The following COL25A1 variants were observed in gnomAD, a reference collection of about 807,000 sequenced individuals.
COL25A1 encodes the protein collagen alpha-1(XXV) chain.
In COL25A1, 103 loss-of-function variants were observed where a neutral mutation model predicts 128.4. The ratio of observed to expected loss-of-function variants is 0.80; its 90% CI spans 0.68 to 0.94. The LOEUF (loss-of-function observed/expected upper bound fraction) is 0.94. Among genes scored for constraint, COL25A1 ranks in the 40% least tolerant of loss-of-function variants. COL25A1 has a pLI of 0.00. For missense variants in COL25A1, 745 were observed against 840.0 expected, an observed-to-expected ratio of 0.89 and a Z score of 1.40; for synonymous variants, 279 against 277.2, an observed-to-expected ratio of 1.01 and a Z score of -0.06.
At chr4:108,995,475 G>A (rs1472295238) in intron 6 of COL25A1, among the ~76,000 whole-genome samples, 1 of 152,210 alleles carries the variant, frequency 6.6e-6, no homozygotes, top group Non-Finnish European at 1.5e-5. Flanking sequence ...TATGTGAAAA[G>A]ACCAAATATG....
intron 3 of COL25A1, among the ~76,000 whole-genome samples, chr4:109,110,308 A>C (rs1056380265): frequency 6.6e-6 from 1 of 152,076 alleles, no homozygotes; most frequent in African/African-American, 2.4e-5. Context: ...TATTCTCTGG[A>C]GTGCTTACGT....
intron 3 of COL25A1, among the ~76,000 whole-genome samples, chr4:109,119,184 C>A (rs2126050764): frequency 6.6e-6 from 1 of 151,916 alleles, no homozygotes; most frequent in Admixed American, 6.6e-5. Context: ...TAGACCTTAC[C>A]AAAATTTGTG....
chr4:109,200,160 A>T (rs150604579), intron 3 of COL25A1, among the ~76,000 whole-genome samples: 92 of 152,300 alleles, frequency 6.0e-4, no homozygotes, highest in African/African-American at 2.0e-3. Flanking sequence ...TTCACTTTCC[A>T]TCTTCCATCG....
chr4:109,141,805 A>G (rs1163011176), intron 3 of COL25A1, among the ~76,000 whole-genome samples: 1 of 152,012 alleles, frequency 6.6e-6, no homozygotes, highest in Admixed American at 6.6e-5. Context: ...TATTGTTTCT[A>G]TTTGATTCTT....
chr4:108,885,272 G>A (rs936057180), intron 18 of COL25A1, among the ~76,000 whole-genome samples: 1 of 152,122 alleles, frequency 6.6e-6, no homozygotes, highest in Non-Finnish European at 1.5e-5. Context: ...TTCATCTTTA[G>A]TAATATTACT....
chr4:108,863,524 A>C, intron 20 of COL25A1, 137 bp from the exon 21 acceptor site: 1 of 615,782 alleles, frequency 1.6e-6, no homozygotes, highest in Non-Finnish European at 2.7e-6. Context: ...CACTTTATTA[A>C]TCTCTTAACA....
At chr4:109,038,358 G>C (rs1759550954) in intron 5 of COL25A1, among the ~76,000 whole-genome samples, 1 of 152,148 alleles carries the variant, frequency 6.6e-6, no homozygotes, top group Non-Finnish European at 1.5e-5. Flanking sequence ...ATTTAACATA[G>C]AAATCTTGCC....
chr4:108,959,175 T>C (rs1231337114), intron 8 of COL25A1, among the ~76,000 whole-genome samples: 1 of 152,088 alleles, frequency 6.6e-6, no homozygotes. Context: ...CCAAAATGCA[T>C]GTCCTACCTA....
intron 3 of COL25A1, among the ~76,000 whole-genome samples, chr4:109,248,372 GA>G (rs1780421528): frequency 6.6e-6 from 1 of 152,018 alleles, no homozygotes; most frequent in Non-Finnish European, 1.5e-5. Flanking sequence ...CTTGATCCTA[GA>G]AGGAGGCTGA....
At chr4:108,923,422 T>C (rs1205907966) in intron 11 of COL25A1, among the ~76,000 whole-genome samples, 1 of 152,144 alleles carries the variant, frequency 6.6e-6, no homozygotes, top group Non-Finnish European at 1.5e-5. Context: ...CATAGCTCAC[T>C]GCAGCCTCAA....
At chr4:108,986,979 T>C (rs1470245377) in intron 6 of COL25A1, among the ~76,000 whole-genome samples, 1 of 152,182 alleles carries the variant, frequency 6.6e-6, no homozygotes, top group Non-Finnish European at 1.5e-5. Flanking sequence ...AAAGTAAGAT[T>C]AGCAATTGAT....
intron 3 of COL25A1, among the ~76,000 whole-genome samples, chr4:109,099,623 A>C (rs987606547): frequency 5.1e-5 from 7 of 137,972 alleles, no homozygotes; most frequent in Non-Finnish European, 7.6e-5. Context: ...CAAAGTTATA[A>C]AAAAAAAAAG....
chr4:108,898,604 G>A (rs1412627064), intron 15 of COL25A1, among the ~76,000 whole-genome samples: 1 of 152,100 alleles, frequency 6.6e-6, no homozygotes, highest in Admixed American at 6.6e-5. Flanking sequence ...GTTTTTATGG[G>A]AATTCTTTGT....
At chr4:108,933,363 T>G (rs1746981309) in intron 11 of COL25A1, among the ~76,000 whole-genome samples, 2 of 152,120 alleles carry the variant, frequency 1.3e-5, no homozygotes, top group Admixed American at 1.3e-4. Context: ...ATGAGAATAG[T>G]GGTATTTATT....
chr4:108,818,312 T>C (rs966903895), intron 36 of COL25A1, among the ~76,000 whole-genome samples: 30 of 152,194 alleles, frequency 2.0e-4, no homozygotes, highest in African/African-American at 6.7e-4. Context: ...ATAAATACAA[T>C]CTCTTAAAGA....
chr4:109,300,664 G>T lies in COL25A1; in HGVS notation c.298-12C>A. On this transcript the variant is annotated splice_polypyrimidine_tract_variant and intron_variant, in intron 2 of 37. Transcript: ENST00000399132. ...TGTTCATAGGATTTCTGTAGGAAAAGAAGAGTTATTAATAATCATCAGTAG... is the reference window on the plus strand; with the variant it reads ...TGTTCATAGGATTTCTGTAGGAAAATAAGAGTTATTAATAATCATCAGTAG... The T allele has an allele frequency of 6.3e-7, 1 of 1,586,386 alleles. No homozygotes were observed. Among genetic ancestry groups the T allele is most frequent in the East Asian group, 2.2e-5 (1 of 44,724 alleles).
At chr4:109,289,777 T>C (rs1724280556) in intron 3 of COL25A1, among the ~76,000 whole-genome samples, 1 of 152,114 alleles carries the variant, frequency 6.6e-6, no homozygotes, top group African/African-American at 2.4e-5. Flanking sequence ...TGTAGTTTCA[T>C]AGCTATATGG....
At chr4:109,082,926 C>A (rs1440536363) in intron 3 of COL25A1, among the ~76,000 whole-genome samples, 1 of 151,926 alleles carries the variant, frequency 6.6e-6, no homozygotes, top group South Asian at 2.1e-4. Flanking sequence ...AAATAATGCT[C>A]CTTTTTCCTA....
rs1553961829 is a variant in COL25A1 at position 109,218,357 on chromosome 4, G to GTTTTTTTTTTGTTTGTTTT, written c.367+82225_367+82226insAAAACAAACAAAAAAAAAA. 2.5e-3 allele frequency among the ~76,000 whole-genome samples: 185 copies of GTTTTTTTTTTGTTTGTTTT among 73,512 alleles called. 2 individuals are homozygous for GTTTTTTTTTTGTTTGTTTT. The highest frequency in any genetic ancestry group is 5.4e-3 in the African/African-American group (97 of 17,836). 48.2% of individuals were successfully genotyped at this position (73,512 alleles called of 152,430 possible). On this transcript the variant is annotated intron_variant, in intron 3 of 37. Transcript: ENST00000399132. ...CAGAATCAATTGCTGGTTTTTTGGG[G>GTTTTTTTTTTGTTTGTTTT]TTTTTTTTTTTTTTTTTTTTTTTTT... is the stretch of plus-strand genomic sequence containing the variant.
Sources: gnomAD v4.1 joint callset for allele counts (sites outside exome capture counted in the v4.1 genomes callset) on GRCh38, gnomAD v4.1.1 for gene constraint, MANE v1.5 for transcripts, NCBI Gene and HGNC (gene_info 2026-07-23, HGNC 2026-07-21) for gene names.